Variants in CA10 observed in about 807,000 individuals in gnomAD.
CA10 encodes carbonic anhydrase 10 (inactive).
In CA10, 14 loss-of-function variants were observed where a neutral mutation model predicts 44.2. The observed-to-expected ratio is 0.32, with a 90% confidence interval of 0.21 to 0.50. The LOEUF is 0.50. Among genes scored for constraint, CA10 ranks in the 20% least tolerant of loss-of-function variants. The pLI, the probability that CA10 is intolerant of heterozygous loss-of-function variation, is 0.99. For synonymous variants in CA10, 159 were observed against 141.6 expected, an observed-to-expected ratio of 1.12 and a Z score of -0.87; for missense variants, 350 against 409.7, an observed-to-expected ratio of 0.85 and a Z score of 1.26.
chr17:51,722,272 G>A (rs1009021218), intron 4 of CA10, among the ~76,000 whole-genome samples: 2 of 151,950 alleles, frequency 1.3e-5, no homozygotes, highest in Non-Finnish European at 2.9e-5. Context: ...GAAGGCAATA[G>A]CACTGTATGA....
intron 3 of CA10, among the ~76,000 whole-genome samples, chr17:51,902,805 CAG>C (rs746918722): frequency 1.4e-4 from 22 of 152,314 alleles, no homozygotes; most frequent in Admixed American, 3.9e-4. Context: ...TGATTGCATG[CAG>C]AGAACTATGA....
intron 3 of CA10, among the ~76,000 whole-genome samples, chr17:51,871,875 C>T (rs1304380439): frequency 6.6e-6 from 1 of 152,094 alleles, no homozygotes; most frequent in African/African-American, 2.4e-5. Flanking sequence ...CATCATGTAC[C>T]TTCAAAGACT....
intron 2 of CA10, among the ~76,000 whole-genome samples, chr17:52,016,930 T>C (rs927107047): frequency 4.0e-5 from 6 of 151,788 alleles, no homozygotes; most frequent in Non-Finnish European, 8.8e-5. Context: ...ATAAATTAAT[T>C]AAAATAAAAT....
intron 1 of CA10, among the ~76,000 whole-genome samples, chr17:52,138,885 T>A (rs188625989): frequency 6.7e-4 from 102 of 152,296 alleles, no homozygotes; most frequent in African/African-American, 2.4e-3. Context: ...TATTTATAAC[T>A]AAGGAACCCA....
At chr17:51,697,770 A>C (rs1915452079) in intron 4 of CA10, among the ~76,000 whole-genome samples, 1 of 152,240 alleles carries the variant, frequency 6.6e-6, no homozygotes, top group Non-Finnish European at 1.5e-5. Flanking sequence ...TGCATGAATG[A>C]AATCACTCAG....
chr17:51,925,296 G>A (rs1409617626), intron 3 of CA10, among the ~76,000 whole-genome samples: 1 of 152,052 alleles, frequency 6.6e-6, no homozygotes, highest in Non-Finnish European at 1.5e-5. Context: ...TCTGTATCAG[G>A]AACAGGTTGT....
intron 1 of CA10, among the ~76,000 whole-genome samples, chr17:52,151,617 T>C (rs1054243429): frequency 6.6e-6 from 1 of 152,104 alleles, no homozygotes; most frequent in Non-Finnish European, 1.5e-5. Flanking sequence ...TTGTTGAACA[T>C]AGAATAAATG....
At chr17:52,007,935 A>G (rs180680886) in intron 2 of CA10, among the ~76,000 whole-genome samples, 275 of 151,768 alleles carry the variant, frequency 1.8e-3, no homozygotes, top group African/African-American at 6.5e-3. Flanking sequence ...TTAATTTATT[A>G]AGAAAACTAT....
intron 2 of CA10, among the ~76,000 whole-genome samples, chr17:51,996,833 A>G (rs1056760879): frequency 2.6e-5 from 4 of 152,060 alleles, no homozygotes; most frequent in Non-Finnish European, 4.4e-5. Context: ...CTTACCTTGT[A>G]AATAACAGCT....
intron 3 of CA10, among the ~76,000 whole-genome samples, chr17:51,877,862 C>T (rs1005226212): frequency 3.9e-5 from 6 of 151,922 alleles, no homozygotes; most frequent in African/African-American, 7.3e-5. Context: ...CAGTGATTCT[C>T]GGCTGGGTGT....
Position 51,896,468 on chromosome 17 carries a change from C to A in CA10, c.279+34522G>T, listed in dbSNP as rs184112041. On this transcript the variant is annotated intron_variant, in intron 3 of 8. Transcript: ENST00000451037. Reference sequence around the variant, plus strand: ...CCAAGGTGTATAAGTACCACATTTTCTTTCTCCAGTCTAATGTTGATGGAC... The same window carrying A: ...CCAAGGTGTATAAGTACCACATTTTATTTCTCCAGTCTAATGTTGATGGAC... 1.2e-3 allele frequency among the ~76,000 whole-genome samples: 188 copies of A among 152,262 alleles called. 4 individuals are homozygous for A. The South Asian group carries it at 0.022, about 18-fold the overall frequency.
chr17:52,131,481 T>G (rs1180639207), intron 1 of CA10, among the ~76,000 whole-genome samples: 1 of 152,232 alleles, frequency 6.6e-6, no homozygotes, highest in Non-Finnish European at 1.5e-5. Flanking sequence ...TACAACTATA[T>G]GCAGAAAGTA....
intron 3 of CA10, among the ~76,000 whole-genome samples, chr17:51,789,020 C>T (rs576768606): frequency 7.4e-4 from 113 of 152,112 alleles, no homozygotes; most frequent in African/African-American, 2.3e-3. Context: ...TTCTTTCTTT[C>T]TTTTTTTGAG....
intron 3 of CA10, among the ~76,000 whole-genome samples, chr17:51,768,509 C>A (rs1255275031): frequency 1.3e-5 from 2 of 152,126 alleles, no homozygotes; most frequent in Admixed American, 6.5e-5. Flanking sequence ...GATCTTAGTG[C>A]TCAACTTTCA....
At chr17:51,880,744 T>G (rs951163613) in intron 3 of CA10, among the ~76,000 whole-genome samples, 1 of 151,882 alleles carries the variant, frequency 6.6e-6, no homozygotes, top group Non-Finnish European at 1.5e-5. Flanking sequence ...CTGGTAAGTT[T>G]CAGTAATAAA....
chr17:51,914,987 T>C (rs562254754), intron 3 of CA10, among the ~76,000 whole-genome samples: 1 of 152,326 alleles, frequency 6.6e-6, no homozygotes, highest in African/African-American at 2.4e-5. Context: ...CTTTCCCTTT[T>C]TTCATCTATA....
chr17:51,780,338 A>T (rs2143675611), intron 3 of CA10, among the ~76,000 whole-genome samples: 1 of 152,308 alleles, frequency 6.6e-6, no homozygotes, highest in East Asian at 1.9e-4. Context: ...AGGTGGAGAG[A>T]CTTGCTCAGT....
chr17:52,101,834 T>C (rs866214656), intron 1 of CA10, among the ~76,000 whole-genome samples: 2 of 152,164 alleles, frequency 1.3e-5, no homozygotes, highest in Non-Finnish European at 2.9e-5. Context: ...ATATATAGCA[T>C]AGGGTTTAAA....
intron 4 of CA10, among the ~76,000 whole-genome samples, chr17:51,681,211 T>C: frequency 6.6e-6 from 1 of 152,184 alleles, no homozygotes; most frequent in South Asian, 2.1e-4. Context: ...AAAATGGGTA[T>C]GGTAATAGAT....
Sources: allele counts gnomAD v4.1 joint callset (sites outside exome capture counted in the v4.1 genomes callset), GRCh38; gene constraint gnomAD v4.1.1; transcripts MANE v1.5; gene names NCBI Gene and HGNC (gene_info 2026-07-23, HGNC 2026-07-21).